MTUS2: variants seen among roughly 807,000 people sequenced by gnomAD.
The protein encoded by MTUS2 is microtubule-associated tumor suppressor candidate 2.
A neutral mutation model predicts 114.1 loss-of-function variants in MTUS2; 40 were observed. The ratio of observed to expected loss-of-function variants is 0.35; its 90% CI spans 0.27 to 0.46. The LOEUF is 0.46. Ranked by LOEUF, MTUS2 falls within the 20% of genes least tolerant of loss-of-function variation. MTUS2 has a pLI of 1.00. For missense variants in MTUS2, 1,679 were observed against 1,705.4 expected (o/e 0.98, Z 0.27); for synonymous variants, 688 against 672.0 (o/e 1.02, Z -0.37).
chr13:29,369,007 AC>A (rs540222509), intron 8 of MTUS2, among the ~76,000 whole-genome samples: 209 of 152,284 alleles, frequency 1.4e-3, no homozygotes, highest in African/African-American at 4.7e-3. Flanking sequence ...GGAGAATCCC[AC>A]CTCTCAGAAG....
At chr13:29,136,724 C>T (rs1891993271) in intron 5 of MTUS2, among the ~76,000 whole-genome samples, 2 of 152,202 alleles carry the variant, frequency 1.3e-5, no homozygotes, top group Non-Finnish European at 2.9e-5. Flanking sequence ...ACATCTCTTC[C>T]ATCTGGCTAT....
chr13:29,082,100 A>G (rs571266139), intron 4 of MTUS2, among the ~76,000 whole-genome samples: 2 of 152,258 alleles, frequency 1.3e-5, no homozygotes, highest in Non-Finnish European at 2.9e-5. Flanking sequence ...GGTCATGAGG[A>G]TGAAGCCCCC....
intron 8 of MTUS2, among the ~76,000 whole-genome samples, chr13:29,390,925 G>A (rs12874498): frequency 0.18 from 27,652 of 151,560 alleles, 2,755 homozygotes; most frequent in Middle Eastern, 0.26. Flanking sequence ...TGGGACTACA[G>A]GCGCACACCA....
chr13:29,120,547 A>C (rs1235339918), intron 5 of MTUS2, among the ~76,000 whole-genome samples: 4 of 152,110 alleles, frequency 2.6e-5, no homozygotes, highest in Admixed American at 1.3e-4. Context: ...TTATTTGCTT[A>C]TATTTTCTAA....
intron 8 of MTUS2, among the ~76,000 whole-genome samples, chr13:29,412,951 G>T (rs1038412304): frequency 6.6e-6 from 1 of 152,060 alleles, no homozygotes; most frequent in Non-Finnish European, 1.5e-5. Flanking sequence ...TGGACTCATG[G>T]CCCAGTTCCA....
chr13:29,345,562 T>C (rs575978017), intron 7 of MTUS2, among the ~76,000 whole-genome samples: 9 of 152,014 alleles, frequency 5.9e-5, no homozygotes, highest in Admixed American at 3.3e-4. Flanking sequence ...TTCATCCATG[T>C]CCTATAACAT....
rs557060662 is a variant in MTUS2 at position 28,910,155 on chromosome 13, A to C, written c.-243+70305A>C. Among the ~76,000 whole-genome samples the C allele has an allele frequency of 9.0e-4, 137 of 151,680 alleles. 1 individual carries two copies. Among genetic ancestry groups the C allele is most frequent in the African/African-American group, 3.2e-3 (134 of 41,352 alleles). ...TATTTTTATTTTATATCTATTAACC[A>C]CTCCCATTTCCCTCCATCCCACCCG... is the stretch of plus-strand genomic sequence containing the variant. On this transcript the variant is annotated intron_variant, in intron 2 of 15. Coordinates refer to ENST00000612955, the MANE Select transcript of MTUS2 (RefSeq NM_001033602.4).
At chr13:29,158,358 C>CTTTTTT (rs372666382) in intron 5 of MTUS2, among the ~76,000 whole-genome samples, 18 of 32,046 alleles carry the variant, frequency 5.6e-4, no homozygotes, top group Non-Finnish European at 6.6e-4. Context: ...GTCCACCCCG[C>CTTTTTT]TTTTTTTTTT....
chr13:28,901,167 C>A (rs895542443), intron 2 of MTUS2, among the ~76,000 whole-genome samples: 1 of 151,914 alleles, frequency 6.6e-6, no homozygotes, highest in African/African-American at 2.4e-5. Flanking sequence ...ATCTAAATAT[C>A]CTCTTTGGAG....
chr13:29,061,809 C>T (rs1356646072), intron 4 of MTUS2, among the ~76,000 whole-genome samples: 2 of 152,116 alleles, frequency 1.3e-5, no homozygotes, highest in East Asian at 3.9e-4. Flanking sequence ...TGTTTTTTAA[C>T]TGTTTATGGC....
intron 7 of MTUS2, among the ~76,000 whole-genome samples, chr13:29,356,537 A>T (rs531779449): frequency 5.9e-5 from 9 of 152,140 alleles, no homozygotes; most frequent in Non-Finnish European, 1.3e-4. Context: ...TTTTTGTTTC[A>T]CCCTGGGGAC....
intron 6 of MTUS2, among the ~76,000 whole-genome samples, chr13:29,309,441 G>A (rs1899646040): frequency 6.6e-6 from 1 of 152,136 alleles, no homozygotes; most frequent in Non-Finnish European, 1.5e-5. Flanking sequence ...TGGAGGATGG[G>A]GGGAGGGAAA....
intron 2 of MTUS2, among the ~76,000 whole-genome samples, chr13:28,885,256 C>A (rs1391776250): frequency 6.6e-6 from 1 of 152,040 alleles, no homozygotes; most frequent in African/African-American, 2.4e-5. Flanking sequence ...CATATGTGTT[C>A]AACTAGATTT....
At chr13:29,358,824 G>C (rs906407690) in intron 7 of MTUS2, among the ~76,000 whole-genome samples, 18 of 152,144 alleles carry the variant, frequency 1.2e-4, no homozygotes, top group African/African-American at 3.6e-4. Flanking sequence ...CCTCTACGGC[G>C]AAGAAAGGGG....
intron 5 of MTUS2, among the ~76,000 whole-genome samples, chr13:29,129,113 T>C (rs1187337349): frequency 6.6e-6 from 1 of 152,154 alleles, no homozygotes; most frequent in African/African-American, 2.4e-5. Flanking sequence ...GTGCACTTTC[T>C]CTGGTTTATA....
rs9579365 is a variant in MTUS2, at chr13:29,372,371, G to A, written c.3117+12898G>A. Among the ~76,000 whole-genome samples the A allele has an allele frequency of 3.9e-5, 6 of 151,934 alleles. No homozygotes were observed. In the South Asian group the frequency reaches 6.2e-4, roughly 16 times the overall value. The stretch of plus-strand genomic sequence containing the variant: ...TTCAGTATCTGCAATGATAAGCCAA[G>A]CTCCATTGAACAATTTGACACCATG... On this transcript the variant is annotated intron_variant, in intron 8 of 15. Coordinates refer to ENST00000612955, the MANE Select transcript of MTUS2 (RefSeq NM_001033602.4).
At chr13:29,150,883 A>G (rs759031085) in intron 5 of MTUS2, among the ~76,000 whole-genome samples, 5 of 152,076 alleles carry the variant, frequency 3.3e-5, no homozygotes, top group Non-Finnish European at 5.9e-5. Flanking sequence ...TAGGTTCTCT[A>G]TGGTGTTCCA....
intron 5 of MTUS2, among the ~76,000 whole-genome samples, chr13:29,177,528 C>T (rs1893824193): frequency 1.4e-5 from 2 of 144,932 alleles, no homozygotes; most frequent in South Asian, 4.2e-4. Context: ...ATCTCAGAAC[C>T]TTTTTCACCA....
At chr13:29,356,550 T>C (rs1409582999) in intron 7 of MTUS2, among the ~76,000 whole-genome samples, 1 of 152,082 alleles carries the variant, frequency 6.6e-6, no homozygotes, top group Non-Finnish European at 1.5e-5. Context: ...CTGGGGACGG[T>C]ATGACATGTG....
Sources: allele counts gnomAD v4.1 joint callset (sites outside exome capture counted in the v4.1 genomes callset), GRCh38; gene constraint gnomAD v4.1.1; transcripts MANE v1.5; gene names NCBI Gene and HGNC (gene_info 2026-07-23, HGNC 2026-07-21).